The following PHTF2 variants were observed in gnomAD, a reference collection of about 807,000 sequenced individuals.
The protein encoded by PHTF2 is putative homeodomain transcription factor 2.
PHTF2 carries 60 observed loss-of-function variants against 101.2 expected under a neutral mutation model. That is an observed-to-expected ratio of 0.59 (90% CI 0.48 to 0.73). The LOEUF (loss-of-function observed/expected upper bound fraction) is 0.73, where lower values mean the gene tolerates loss of function less well. PHTF2 is among the 30% of genes least tolerant of loss of function. The pLI, the probability that PHTF2 is intolerant of heterozygous loss-of-function variation, is 0.00. For missense variants in PHTF2, 747 were observed against 908.7 expected (o/e 0.82, Z 2.29); for synonymous variants, 311 against 307.3 (o/e 1.01, Z -0.13).
At chr7:77,873,766 C>A (rs556870362) in intron 3 of PHTF2, among the ~76,000 whole-genome samples, 1 of 152,216 alleles carries the variant, frequency 6.6e-6, no homozygotes, top group Admixed American at 6.5e-5. Flanking sequence ...TCCTCCCACA[C>A]GTCTCCATTC....
rs375873189 is a variant in PHTF2 at position 77,927,199 on chromosome 7, TACAC to T, written c.1120-1888_1120-1885del. 1.3e-3 allele frequency among the ~76,000 whole-genome samples: 136 copies of T among 108,558 alleles called. 4 individuals carry two copies. The South Asian group carries it at 0.035, about 28-fold the overall frequency. The allele number at this position is 108,558 out of a possible 152,430, so 71.2% of individuals were successfully genotyped here. Reference sequence around the variant, plus strand: ...AAAAATATATATATATATATATACATACACACACACACACACACACACACAAACA... The same window carrying T: ...AAAAATATATATATATATATATACATACACACACACACACACACACAAACA... On this transcript the variant is annotated intron_variant, in intron 11 of 19. Transcript: ENST00000416283.
exon 11 of PHTF2, chr7:77,922,663 C>G: frequency 6.2e-7 from 1 of 1,610,732 alleles, no homozygotes; most frequent in Non-Finnish European, 8.5e-7. Flanking sequence ...GATGAAGTCT[C>G]CAGTGAGGAA....
chr7:77,855,633 G>A (rs1334301102), intron 3 of PHTF2, among the ~76,000 whole-genome samples: 2 of 152,174 alleles, frequency 1.3e-5, no homozygotes, highest in Non-Finnish European at 2.9e-5. Context: ...TGGTGGTAGG[G>A]CTAGCCGGAA....
At chr7:77,869,021 A>C (rs1307941370) in intron 3 of PHTF2, among the ~76,000 whole-genome samples, 1 of 152,224 alleles carries the variant, frequency 6.6e-6, no homozygotes, top group East Asian at 1.9e-4. Flanking sequence ...AAAAGCAAAA[A>C]AACAAAAAAG....
At chr7:77,849,073 A>G (rs116680530) in intron 2 of PHTF2, among the ~76,000 whole-genome samples, 3,009 of 151,914 alleles carry the variant, frequency 0.02, 82 homozygotes, top group African/African-American at 0.068. Context: ...ATTGTGTTCC[A>G]CTGATCTTCA....
chr7:77,827,152 T>C (rs1794747867), intron 1 of PHTF2, among the ~76,000 whole-genome samples: 1 of 152,156 alleles, frequency 6.6e-6, no homozygotes, highest in Non-Finnish European at 1.5e-5. Flanking sequence ...AAAATCACTG[T>C]GGATTTATTA....
chr7:77,829,401 A>G (rs1352304135), intron 1 of PHTF2, among the ~76,000 whole-genome samples: 2 of 152,252 alleles, frequency 1.3e-5, no homozygotes, highest in Non-Finnish European at 2.9e-5. Context: ...TAGAAAATGT[A>G]TAGCTGTTTA....
At chr7:77,930,554 A>G (rs748367197) in intron 12 of PHTF2, among the ~76,000 whole-genome samples, 2 of 151,928 alleles carry the variant, frequency 1.3e-5, no homozygotes, top group Non-Finnish European at 2.9e-5. Flanking sequence ...AAAACTCGAG[A>G]AAAAAAAGAG....
intron 2 of PHTF2, among the ~76,000 whole-genome samples, chr7:77,847,976 C>A (rs987048597): frequency 6.6e-6 from 1 of 152,148 alleles, no homozygotes; most frequent in Non-Finnish European, 1.5e-5. Flanking sequence ...CTCTCTGTGC[C>A]TGGCTTATTT....
chr7:77,863,227 T>A (rs1797785651), intron 3 of PHTF2, among the ~76,000 whole-genome samples: 1 of 152,206 alleles, frequency 6.6e-6, no homozygotes, highest in Non-Finnish European at 1.5e-5. Context: ...AGTTCTGGTT[T>A]ACCTAGTTTG....
chr7:77,824,707 A>C (rs1794572537), intron 1 of PHTF2, among the ~76,000 whole-genome samples: 1 of 152,148 alleles, frequency 6.6e-6, no homozygotes, highest in Non-Finnish European at 1.5e-5. Context: ...TAATTGAGTC[A>C]GTAATGTAAA....
chr7:77,945,066 G>A (rs1473322359), intron 16 of PHTF2, among the ~76,000 whole-genome samples: 1 of 152,244 alleles, frequency 6.6e-6, no homozygotes, highest in African/African-American at 2.4e-5. Context: ...GAGGCTGGGT[G>A]TGGTGGCCCA....
intron 12 of PHTF2, among the ~76,000 whole-genome samples, chr7:77,937,034 A>G (rs964889347): frequency 6.6e-6 from 1 of 151,910 alleles, no homozygotes; most frequent in Non-Finnish European, 1.5e-5. Flanking sequence ...AGTCCGAGCT[A>G]CTCAGGAGGC....
intron 16 of PHTF2, among the ~76,000 whole-genome samples, chr7:77,943,379 G>A (rs1805795874): frequency 6.6e-6 from 1 of 152,068 alleles, no homozygotes; most frequent in South Asian, 2.1e-4. Context: ...TGCCCGCCTC[G>A]GCCTCCCAAA....
At chr7:77,843,827 C>T (rs1363834316) in intron 2 of PHTF2, among the ~76,000 whole-genome samples, 1 of 151,972 alleles carries the variant, frequency 6.6e-6, no homozygotes, top group Non-Finnish European at 1.5e-5. Context: ...GTCTTAAAAC[C>T]CAGGTTAAGA....
chr7:77,949,696 A>G lies in PHTF2; in HGVS notation c.1978A>G (p.Ile660Val). The G allele has an allele frequency of 1.9e-6, 3 of 1,573,404 alleles. No individual in the cohort carries two copies. Among genetic ancestry groups the G allele is most frequent in the Admixed American group, 1.8e-5 (1 of 55,474 alleles). The change falls in exon 17 of 20, where the codon ATC (isoleucine) becomes GTC (valine). Residue 660 changes from isoleucine (I) to valine (V), a missense_variant. Coordinates refer to ENST00000416283, the Ensembl canonical transcript of PHTF2. ...CTTTTAGCTACTTCATGTACACGAGATCTTCCTTGATTGTCACTACAATTG... is the reference window on the plus strand; with the variant it reads ...CTTTTAGCTACTTCATGTACACGAGGTCTTCCTTGATTGTCACTACAATTG...
At chr7:77,811,796 A>C (rs1379359799) in intron 1 of PHTF2, among the ~76,000 whole-genome samples, 1 of 152,128 alleles carries the variant, frequency 6.6e-6, no homozygotes, top group African/African-American at 2.4e-5. Context: ...TTAGAGATCT[A>C]GGTGTTAGAT....
intron 5 of PHTF2, among the ~76,000 whole-genome samples, chr7:77,898,899 A>G (rs1210278518): frequency 2.6e-5 from 4 of 152,068 alleles, no homozygotes; most frequent in Non-Finnish European, 5.9e-5. Flanking sequence ...CCTGGGTTCA[A>G]ACAGTTCTCC....
At chr7:77,834,628 A>G (rs1795312449) in intron 1 of PHTF2, among the ~76,000 whole-genome samples, 1 of 152,068 alleles carries the variant, frequency 6.6e-6, no homozygotes, top group Admixed American at 6.6e-5. Flanking sequence ...TTTAACCTTT[A>G]TTGAGTTGTG....
Sources: gnomAD v4.1 joint callset for allele counts (sites outside exome capture counted in the v4.1 genomes callset) on GRCh38, gnomAD v4.1.1 for gene constraint, MANE v1.5 for transcripts, NCBI Gene and HGNC (gene_info 2026-07-23, HGNC 2026-07-21) for gene names.